The following KITLG variants were observed in gnomAD, a reference collection of about 807,000 sequenced individuals.
KITLG encodes c-Kit ligand.
Under a neutral mutation model 34.1 loss-of-function variants are expected in KITLG, and 13 were observed. That is an observed-to-expected ratio of 0.38 (90% CI 0.25 to 0.61). The LOEUF (loss-of-function observed/expected upper bound fraction) is 0.61, where lower values mean the gene tolerates loss of function less well. Among genes scored for constraint, KITLG ranks in the 20% least tolerant of loss-of-function variants. The probability of loss-of-function intolerance (pLI) is 0.60; values close to 1 mark genes in which losing one functional copy is unlikely to be tolerated. For missense variants in KITLG, 292 were observed against 318.9 expected (o/e 0.92, Z 0.64); for synonymous variants, 110 against 104.0 (o/e 1.06, Z -0.35).
chr12:88,544,540 C>T (rs1462836565), intron 2 of KITLG, among the ~76,000 whole-genome samples: 1 of 151,904 alleles, frequency 6.6e-6, no homozygotes, highest in African/African-American at 2.4e-5. Flanking sequence ...CCCCCTCACC[C>T]CCATCCCTAT....
chr12:88,553,958 G>T (rs1871012178), intron 1 of KITLG, among the ~76,000 whole-genome samples: 1 of 152,172 alleles, frequency 6.6e-6, no homozygotes, highest in African/African-American at 2.4e-5. Context: ...AAAGGCAAAG[G>T]TCTTGCTTAA....
intron 3 of KITLG, among the ~76,000 whole-genome samples, chr12:88,523,683 A>G (rs1869760776): frequency 1.3e-5 from 2 of 152,186 alleles, no homozygotes; most frequent in Non-Finnish European, 2.9e-5. Flanking sequence ...TTCCATGGGC[A>G]GGCAAATTTA....
intron 5 of KITLG, 104 bp downstream of exon 5, chr12:88,516,230 T>TA: frequency 1.1e-6 from 1 of 923,386 alleles, no homozygotes; most frequent in Non-Finnish European, 1.8e-6. Flanking sequence ...TAGACGTACA[T>TA]GCATGTATCT....
intron 3 of KITLG, among the ~76,000 whole-genome samples, chr12:88,521,287 G>A (rs926821826): frequency 6.6e-6 from 1 of 152,102 alleles, no homozygotes; most frequent in African/African-American, 2.4e-5. Context: ...AACTAGTTTT[G>A]ACTGGAATGT....
chr12:88,545,038 C>G (rs1870666611), intron 2 of KITLG, among the ~76,000 whole-genome samples: 1 of 152,130 alleles, frequency 6.6e-6, no homozygotes, highest in African/African-American at 2.4e-5. Flanking sequence ...TTCAAAAAAG[C>G]ATGTAAGATC....
intron 1 of KITLG, among the ~76,000 whole-genome samples, chr12:88,556,560 T>C (rs1368329566): frequency 4.6e-5 from 7 of 152,078 alleles, no homozygotes; most frequent in Non-Finnish European, 1.0e-4. Flanking sequence ...TGGTGACTAA[T>C]GAAAAGAGGG....
chr12:88,509,762 A>G (rs185837264), intron 6 of KITLG, among the ~76,000 whole-genome samples: 6 of 152,314 alleles, frequency 3.9e-5, no homozygotes, highest in Admixed American at 3.9e-4. Flanking sequence ...CCTTTGGTCC[A>G]TCAGGGATAC....
chr12:88,578,245 C>T (rs1487715785), intron 1 of KITLG, among the ~76,000 whole-genome samples: 1 of 151,980 alleles, frequency 6.6e-6, no homozygotes, highest in Non-Finnish European at 1.5e-5. Flanking sequence ...TGTGGAATCG[C>T]TAGAAGTATT....
At chr12:88,508,764 C>G (rs981535790) in intron 6 of KITLG, among the ~76,000 whole-genome samples, 2 of 152,028 alleles carry the variant, frequency 1.3e-5, no homozygotes, top group African/African-American at 4.8e-5. Context: ...CAAGTTGGAG[C>G]CCAATGTGAA....
rs548319969 is a variant in KITLG at position 88,495,377 on chromosome 12, C to G, written c.*1842G>C. The stretch of plus-strand genomic sequence containing the variant: ...AAACAGTCAATGCCACACACTGAGA[C>G]AGGACCTATCAGCAATTTAAATTGA... On this transcript the variant is annotated 3_prime_UTR_variant, in exon 10 of 10. Coordinates refer to ENST00000644744, the MANE Select transcript of KITLG (RefSeq NM_000899.5). 2.0e-5 allele frequency: 3 copies of G among 152,308 alleles called. No individual in the cohort carries two copies. The highest frequency in any genetic ancestry group is 3.9e-4 in the East Asian group (2 of 5,182). 9.4% of individuals were successfully genotyped at this position (152,308 alleles called of 1,614,324 possible). A position where few individuals can be genotyped will look rare whatever the true frequency, so the allele number is the denominator to read the frequency against.
At chr12:88,563,225 G>A (rs1410854145) in intron 1 of KITLG, among the ~76,000 whole-genome samples, 1 of 152,012 alleles carries the variant, frequency 6.6e-6, no homozygotes, top group African/African-American at 2.4e-5. Context: ...ATACCCAGAA[G>A]TGATGACATG....
intron 8 of KITLG, 84 bp from the exon 9 acceptor site, chr12:88,505,319 G>A: frequency 9.2e-7 from 1 of 1,086,788 alleles, no homozygotes; most frequent in Non-Finnish European, 1.4e-6. Context: ...GTAAAAGGCA[G>A]CTTTTCTGTA....
chr12:88,534,286 G>C (rs182552805), intron 2 of KITLG, among the ~76,000 whole-genome samples: 7 of 152,044 alleles, frequency 4.6e-5, no homozygotes, highest in Admixed American at 4.6e-4. Context: ...ACACCCTCTG[G>C]GCACTTGTTC....
chr12:88,526,657 T>G (rs1307903214), intron 3 of KITLG, among the ~76,000 whole-genome samples: 1 of 152,118 alleles, frequency 6.6e-6, no homozygotes, highest in Non-Finnish European at 1.5e-5. Flanking sequence ...AGGAGTGCGA[T>G]GAGAAGAGTT....
intron 3 of KITLG, among the ~76,000 whole-genome samples, chr12:88,528,298 A>C (rs1339172094): frequency 6.6e-6 from 1 of 152,174 alleles, no homozygotes; most frequent in Non-Finnish European, 1.5e-5. Flanking sequence ...TGTAAATCAG[A>C]GTGGGACCAC....
intron 1 of KITLG, among the ~76,000 whole-genome samples, chr12:88,567,184 G>T (rs1478525688): frequency 6.6e-6 from 1 of 151,942 alleles, no homozygotes; most frequent in African/African-American, 2.4e-5. Context: ...AGAGATTTCT[G>T]CATTTTAATA....
At chr12:88,567,517 C>T (rs1871483614) in intron 1 of KITLG, among the ~76,000 whole-genome samples, 1 of 152,128 alleles carries the variant, frequency 6.6e-6, no homozygotes, top group Non-Finnish European at 1.5e-5. Flanking sequence ...TTGATTGATA[C>T]AAAACTTACT....
chr12:88,546,776 A>G (rs1324119166), intron 1 of KITLG, among the ~76,000 whole-genome samples: 2 of 152,218 alleles, frequency 1.3e-5, no homozygotes, highest in Non-Finnish European at 2.9e-5. Flanking sequence ...ATATTATGCA[A>G]CAGGAACAAC....
intron 6 of KITLG, among the ~76,000 whole-genome samples, chr12:88,513,284 G>A (rs769222456): frequency 4.6e-5 from 7 of 151,234 alleles, no homozygotes; most frequent in Non-Finnish European, 3.0e-5. Context: ...GCAAAAGGGT[G>A]CTGTTGAAAA....
Sources: allele counts gnomAD v4.1 joint callset (sites outside exome capture counted in the v4.1 genomes callset), GRCh38; gene constraint gnomAD v4.1.1; transcripts MANE v1.5; gene names NCBI Gene and HGNC (gene_info 2026-07-23, HGNC 2026-07-21).